SLC35D4: variants seen among roughly 807,000 people sequenced by gnomAD.
SLC35D4 encodes the protein UDP-N-acetylglucosamine transporter SLC35D4.
the SLC35D4 span, among the ~76,000 whole-genome samples, chr18:23,288,217 T>C: frequency 6.6e-6 from 1 of 152,122 alleles, no homozygotes; most frequent in Non-Finnish European, 1.5e-5. Flanking sequence ...TCTTTCCTGT[T>C]CCTCACCCTG....
At chr18:23,434,975 T>G in the SLC35D4 span, among the ~76,000 whole-genome samples, 6 of 151,822 alleles carry the variant, frequency 4.0e-5, no homozygotes, top group South Asian at 1.2e-3. Context: ...CTGGCCAACA[T>G]GACGAAACTC....
At chr18:23,257,899 AC>A in the SLC35D4 span, 1 of 148,168 alleles carries the variant, frequency 6.7e-6, no homozygotes, top group Non-Finnish European at 1.5e-5. Flanking sequence ...TCTGAGAGAT[AC>A]TGCATCAGCC....
the SLC35D4 span, among the ~76,000 whole-genome samples, chr18:23,333,824 T>C: frequency 6.6e-6 from 1 of 152,126 alleles, no homozygotes; most frequent in African/African-American, 2.4e-5. Context: ...TTTCTGGAGG[T>C]GGAGGGGTAG....
At chr18:23,252,232 G>T in the SLC35D4 span, among the ~76,000 whole-genome samples, 1 of 152,204 alleles carries the variant, frequency 6.6e-6, no homozygotes, top group Non-Finnish European at 1.5e-5. Context: ...TGGGGAGTTG[G>T]CATTTAATGG....
At chr18:23,418,501 AGCCAT>A in the SLC35D4 span, among the ~76,000 whole-genome samples, 1 of 151,162 alleles carries the variant, frequency 6.6e-6, no homozygotes, top group East Asian at 2.0e-4. Context: ...CCTCCCAAGT[AGCCAT>A]GCTGGGCTCA....
chr18:23,389,443 T>C, the SLC35D4 span, among the ~76,000 whole-genome samples: 2 of 152,260 alleles, frequency 1.3e-5, no homozygotes, highest in Non-Finnish European at 2.9e-5. Flanking sequence ...AAGCCATTTT[T>C]TCTACTGAGA....
chr18:23,437,925 G>A, the SLC35D4 span: 1 of 1,511,726 alleles, frequency 6.6e-7, no homozygotes, highest in Non-Finnish European at 9.0e-7. Context: ...GACCCCCGCA[G>A]CAGCAGCAGC....
chr18:23,239,577 G>A, the SLC35D4 span, among the ~76,000 whole-genome samples: 1 of 152,230 alleles, frequency 6.6e-6, no homozygotes, highest in African/African-American at 2.4e-5. Context: ...AACAGAGTGG[G>A]GCAGTTGGGG....
chr18:23,262,675 C>T, the SLC35D4 span, among the ~76,000 whole-genome samples: 3 of 152,300 alleles, frequency 2.0e-5, no homozygotes, highest in Admixed American at 6.5e-5. Context: ...AAGGGAAGCT[C>T]CAGGGGAGAG....
the SLC35D4 span, among the ~76,000 whole-genome samples, chr18:23,374,677 G>T: frequency 6.6e-6 from 1 of 151,984 alleles, no homozygotes; most frequent in Non-Finnish European, 1.5e-5. Context: ...TAGAGGTGGG[G>T]TTTCTCCATG....
the SLC35D4 span, among the ~76,000 whole-genome samples, chr18:23,335,095 A>T: frequency 6.6e-6 from 1 of 152,192 alleles, no homozygotes; most frequent in African/African-American, 2.4e-5. Flanking sequence ...AAGCAGGAAA[A>T]AAATGGGTGA....
the SLC35D4 span, among the ~76,000 whole-genome samples, chr18:23,332,215 A>T: frequency 1.2e-4 from 18 of 151,980 alleles, no homozygotes; most frequent in African/African-American, 4.4e-4. Context: ...ATTTTTTTTA[A>T]AAAAATAACA....
the SLC35D4 span, among the ~76,000 whole-genome samples, chr18:23,427,824 G>A: frequency 6.6e-6 from 1 of 152,164 alleles, no homozygotes; most frequent in Non-Finnish European, 1.5e-5. Context: ...ATACACCATG[G>A]AATACTATGC....
chr18:23,403,359 T>C, the SLC35D4 span, among the ~76,000 whole-genome samples: 1 of 152,178 alleles, frequency 6.6e-6, no homozygotes, highest in Non-Finnish European at 1.5e-5. Context: ...GAAACTGACC[T>C]AATCAGTGAG....
the SLC35D4 span, among the ~76,000 whole-genome samples, chr18:23,268,814 G>A: frequency 6.6e-6 from 1 of 152,054 alleles, no homozygotes; most frequent in Non-Finnish European, 1.5e-5. Context: ...GTGTGTGTGT[G>A]TGTGTGTGTG....
the SLC35D4 span, among the ~76,000 whole-genome samples, chr18:23,248,190 CGCAGGG>C: frequency 8.9e-4 from 135 of 152,298 alleles, no homozygotes; most frequent in African/African-American, 2.2e-3. Flanking sequence ...GGGAGTGTGG[CGCAGGG>C]GCAGGGGCAG....
the SLC35D4 span, among the ~76,000 whole-genome samples, chr18:23,398,333 G>GT: frequency 6.6e-6 from 1 of 152,196 alleles, no homozygotes. Flanking sequence ...TCTGGCAAAT[G>GT]TAACTATCCA....
the SLC35D4 span, chr18:23,310,115 C>G: frequency 1.5e-6 from 1 of 655,684 alleles, no homozygotes; most frequent in South Asian, 6.8e-5. Context: ...GTGCAGAACT[C>G]GTCTCCAAGG....
the SLC35D4 span, chr18:23,352,289 A>G: frequency 1.2e-6 from 2 of 1,606,076 alleles, no homozygotes; most frequent in Non-Finnish European, 1.7e-6. Flanking sequence ...CCAAAAATCC[A>G]CTGGAAGGAG....
Sources: gnomAD v4.1 joint callset for allele counts (sites outside exome capture counted in the v4.1 genomes callset) on GRCh38, gnomAD v4.1.1 for gene constraint, MANE v1.5 for transcripts, NCBI Gene and HGNC (gene_info 2026-07-23, HGNC 2026-07-21) for gene names.